Variants in CERT1 observed in about 807,000 individuals in gnomAD.
CERT1 encodes ceramide transfer protein.
Under a neutral mutation model 87.9 loss-of-function variants are expected in CERT1, and 31 were observed. The ratio of observed to expected loss-of-function variants is 0.35; its 90% CI spans 0.27 to 0.48. CERT1 has a LOEUF of 0.48. Ranked by LOEUF, CERT1 falls within the 20% of genes least tolerant of loss-of-function variation. The pLI is 0.99. For synonymous variants in CERT1, 289 were observed against 250.9 expected (o/e 1.15, Z -1.44); for missense variants, 487 against 758.0 (o/e 0.64, Z 4.20).
At chr5:75,432,194 G>A (rs6885301) in intron 3 of CERT1, among the ~76,000 whole-genome samples, 3,957 of 152,118 alleles carry the variant, frequency 0.026, 148 homozygotes, top group African/African-American at 0.085. Context: ...TGGGACTACA[G>A]GCGCTAGCCA....
chr5:75,446,480 TC>T (rs1263089186), intron 3 of CERT1, among the ~76,000 whole-genome samples: 1 of 152,208 alleles, frequency 6.6e-6, no homozygotes, highest in Non-Finnish European at 1.5e-5. Context: ...GTCTAGTAGA[TC>T]AGCCATCAAG....
intron 7 of CERT1, among the ~76,000 whole-genome samples, chr5:75,411,795 T>G (rs1762944225): frequency 6.6e-6 from 1 of 152,174 alleles, no homozygotes; most frequent in Non-Finnish European, 1.5e-5. Context: ...AGTTAAGAGA[T>G]ACATTTATTT....
chr5:75,424,715 C>G (rs1408462239), intron 5 of CERT1, among the ~76,000 whole-genome samples: 1 of 152,132 alleles, frequency 6.6e-6, no homozygotes, highest in African/African-American at 2.4e-5. Flanking sequence ...CTTATCTCCT[C>G]TAAGACTCAT....
chr5:75,403,165 T>C, intron 8 of CERT1, 107 bp from the exon 9 acceptor site: 2 of 734,654 alleles, frequency 2.7e-6, no homozygotes, highest in African/African-American at 1.8e-5. Context: ...TAAACATTTA[T>C]TGAACACATA....
intron 3 of CERT1, among the ~76,000 whole-genome samples, chr5:75,447,474 A>ATTTTTTTT (rs377590981): frequency 1.3e-5 from 2 of 149,032 alleles, no homozygotes; most frequent in African/African-American, 5.1e-5. Flanking sequence ...TTATTTATTT[A>ATTTTTTTT]TTTTTTATTT....
chr5:75,444,327 TACAAATGTGAGCC>T (rs1471553950), intron 3 of CERT1, among the ~76,000 whole-genome samples: 1 of 152,180 alleles, frequency 6.6e-6, no homozygotes, highest in African/African-American at 2.4e-5. Context: ...GTGCTGGAAT[TACAAATGTGAGCC>T]ACTGCGCCTG....
intron 2 of CERT1, among the ~76,000 whole-genome samples, chr5:75,495,529 G>A (rs1767016471): frequency 1.3e-5 from 2 of 151,788 alleles, no homozygotes; most frequent in African/African-American, 4.8e-5. Context: ...CTGCACTCCA[G>A]CCTGGGCAAC....
intron 1 of CERT1, among the ~76,000 whole-genome samples, chr5:75,510,037 T>C (rs568796418): frequency 6.6e-6 from 1 of 152,296 alleles, no homozygotes; most frequent in East Asian, 1.9e-4. Flanking sequence ...TTCTAGACAT[T>C]ATAAAAGCCT....
intron 15 of CERT1, among the ~76,000 whole-genome samples, chr5:75,381,738 G>A (rs1439238362): frequency 2.0e-5 from 3 of 152,036 alleles, no homozygotes; most frequent in Non-Finnish European, 4.4e-5. Flanking sequence ...TAGAAGGAAA[G>A]GTAAACGGCC....
At chr5:75,412,586 C>A (rs1299456392) in intron 7 of CERT1, among the ~76,000 whole-genome samples, 1 of 152,116 alleles carries the variant, frequency 6.6e-6, no homozygotes, top group African/African-American at 2.4e-5. Flanking sequence ...CTTATATAAA[C>A]CTAGATGGTA....
intron 10 of CERT1, 152 bp from the exon 11 acceptor site, chr5:75,399,539 T>C (rs1304090292): frequency 3.2e-6 from 2 of 632,218 alleles, no homozygotes; most frequent in Non-Finnish European, 5.8e-6. Context: ...CATGCACCTA[T>C]TATGTATTAT....
intron 2 of CERT1, among the ~76,000 whole-genome samples, chr5:75,479,931 C>A (rs1301974793): frequency 6.6e-6 from 1 of 152,198 alleles, no homozygotes; most frequent in African/African-American, 2.4e-5. Flanking sequence ...GTTACCTTTT[C>A]TCTGCAACCT....
At chr5:75,460,692 T>C (rs932705978) in intron 2 of CERT1, among the ~76,000 whole-genome samples, 5 of 152,214 alleles carry the variant, frequency 3.3e-5, no homozygotes, top group Non-Finnish European at 1.5e-5. Context: ...TAACACAATT[T>C]ACATCCTGTA....
intron 2 of CERT1, among the ~76,000 whole-genome samples, chr5:75,497,710 T>C (rs1767140940): frequency 6.6e-6 from 1 of 152,098 alleles, no homozygotes; most frequent in Non-Finnish European, 1.5e-5. Context: ...CAAGCAGAAC[T>C]GTGAGTCAAT....
chr5:75,416,765 A>G (rs1290723272), intron 7 of CERT1, 111 bp downstream of exon 7: 15 of 932,254 alleles, frequency 1.6e-5, no homozygotes, highest in Non-Finnish European at 2.1e-5. Context: ...ATCATCTGCT[A>G]TTTCTATCAA....
At chr5:75,504,285 C>T (rs918401216) in intron 2 of CERT1, among the ~76,000 whole-genome samples, 1 of 152,018 alleles carries the variant, frequency 6.6e-6, no homozygotes, top group Admixed American at 6.6e-5. Flanking sequence ...TTTCTAAACA[C>T]ATTACAATGT....
rs13356670 is a variant in CERT1, at chr5:75,377,882, A to G, written c.*1464T>C. 0.31 allele frequency: 46,614 copies of G among 152,146 alleles called. 7,668 individuals are homozygous for G. The highest frequency in any genetic ancestry group is 0.44 in the African/African-American group (18,086 of 41,444). 9.4% of individuals were successfully genotyped at this position (152,146 alleles called of 1,614,324 possible). Reference sequence around the variant, plus strand: ...CAGCTCACTGCAGCCTCAAACTCCCAGACAAAGCGATCTTCCTGCTTCAGC... The same window carrying G: ...CAGCTCACTGCAGCCTCAAACTCCCGGACAAAGCGATCTTCCTGCTTCAGC... On this transcript the variant is annotated 3_prime_UTR_variant, in exon 17 of 17. Coordinates refer to ENST00000643780, the MANE Select transcript of CERT1 (RefSeq NM_001379029.1).
intron 14 of CERT1, among the ~76,000 whole-genome samples, chr5:75,383,668 A>C (rs1030849690): frequency 6.6e-6 from 1 of 152,140 alleles, no homozygotes; most frequent in Non-Finnish European, 1.5e-5. Context: ...TAAGAAATAC[A>C]TAACAGACTT....
At chr5:75,422,041 A>G (rs551669379) in intron 5 of CERT1, among the ~76,000 whole-genome samples, 1 of 152,336 alleles carries the variant, frequency 6.6e-6, no homozygotes, top group East Asian at 1.9e-4. Context: ...GGGTATCCAC[A>G]TATCAAGGAA....
Sources: gnomAD v4.1 joint callset for allele counts (sites outside exome capture counted in the v4.1 genomes callset) on GRCh38, gnomAD v4.1.1 for gene constraint, MANE v1.5 for transcripts, NCBI Gene and HGNC (gene_info 2026-07-23, HGNC 2026-07-21) for gene names.